Variants in KDM7A observed in about 807,000 individuals in gnomAD.
The protein encoded by KDM7A is lysine-specific demethylase 7A.
A neutral mutation model predicts 114.8 loss-of-function variants in KDM7A; 28 were observed. The ratio of observed to expected loss-of-function variants is 0.24; its 90% CI spans 0.18 to 0.33. KDM7A has a LOEUF of 0.33. KDM7A is among the 10% of genes least tolerant of loss of function. The pLI is 1.00. For missense variants in KDM7A, 942 were observed against 1,142.5 expected, an observed-to-expected ratio of 0.82 and a Z score of 2.53; for synonymous variants, 423 against 397.8, an observed-to-expected ratio of 1.06 and a Z score of -0.75.
At chr7:140,171,534 TA>T (rs1333573503) in intron 1 of KDM7A, among the ~76,000 whole-genome samples, 26 of 143,720 alleles carry the variant, frequency 1.8e-4, no homozygotes, top group African/African-American at 6.1e-4. Flanking sequence ...TATATTTATT[TA>T]TATATTTATA....
intron 14 of KDM7A, among the ~76,000 whole-genome samples, chr7:140,097,967 T>C (rs1818142606): frequency 6.6e-6 from 1 of 152,272 alleles, no homozygotes; most frequent in Non-Finnish European, 1.5e-5. Flanking sequence ...CAGATGCTTT[T>C]CACACTTCTC....
At chr7:140,136,552 G>A (rs987846065) in intron 2 of KDM7A, among the ~76,000 whole-genome samples, 1 of 152,206 alleles carries the variant, frequency 6.6e-6, no homozygotes, top group Admixed American at 6.5e-5. Flanking sequence ...TAAGTTATTT[G>A]TGGGCTGTTT....
In KDM7A at chr7:140,111,207, A is replaced by G. The variant is rs200096127; in HGVS notation, c.1339-23T>C. Reference sequence around the variant, plus strand: ...AAGCTGTATTTGGATTAACAAAAATAAGAAAACCAAAGTTATTTACACTTT... The same window carrying G: ...AAGCTGTATTTGGATTAACAAAAATGAGAAAACCAAAGTTATTTACACTTT... On this transcript the variant is annotated intron_variant, in intron 10 of 19. Transcript: ENST00000397560. The G allele has an allele frequency of 5.0e-5, 72 of 1,449,784 alleles. No homozygotes were observed. In the African/African-American group the frequency reaches 8.4e-4, roughly 17 times the overall value. 89.8% of individuals were successfully genotyped at this position (1,449,784 alleles called of 1,614,324 possible).
In KDM7A at chr7:140,176,911, GGCCACC is replaced by G; in HGVS notation, c.21_26del (p.Val8_Ala9del). The G allele has an allele frequency of 8.5e-7, 1 of 1,169,978 alleles. No individual in the cohort carries two copies. Among genetic ancestry groups the G allele is most frequent in the Non-Finnish European group, 1.1e-6 (1 of 941,944 alleles). The allele number at this position is 1,169,978 out of a possible 1,614,324, so 72.5% of individuals were successfully genotyped here. On this transcript the variant is annotated inframe_deletion, in exon 1 of 20. Transcript: ENST00000397560. The surrounding 1 kb of genome is among the most constrained non-coding windows in gnomAD (Gnocchi z 4.4). ...CGGCGGCTCCAGCTGCTGCTCCCGCGGCCACCGCCGCCGCCGCTCCGGCCATCTTTA... is the reference window on the plus strand; with the variant it reads ...CGGCGGCTCCAGCTGCTGCTCCCGCGGCCGCCGCCGCTCCGGCCATCTTTA...
At chr7:140,134,227 A>C (rs1387308015) in intron 2 of KDM7A, among the ~76,000 whole-genome samples, 6 of 152,236 alleles carry the variant, frequency 3.9e-5, no homozygotes, top group African/African-American at 1.4e-4. Flanking sequence ...TCCAATGCTA[A>C]GACCCTGTAA....
intron 2 of KDM7A, among the ~76,000 whole-genome samples, chr7:140,138,490 C>T (rs62491420): frequency 0.062 from 9,386 of 152,086 alleles, 367 homozygotes; most frequent in Non-Finnish European, 0.09. Flanking sequence ...CCTGAGGCTT[C>T]CCTGGCTTTG....
At chr7:140,100,728 ATATATATATATATACATATATAT>A (rs1818206399) in intron 12 of KDM7A, among the ~76,000 whole-genome samples, 1 of 42,656 alleles carries the variant, frequency 2.3e-5, no homozygotes, top group African/African-American at 8.5e-5. Flanking sequence ...ATATATATAT[ATATATATATATATACATATATAT>A]TTTTTTGTTT....
rs548905463 is a variant in KDM7A at position 140,131,393 on chromosome 7, C to G, written c.399-1740G>C. Among the ~76,000 whole-genome samples, 20 of 152,266 alleles carry G rather than the reference C, an allele frequency of 1.3e-4. No individual in the cohort carries two copies. The East Asian group carries it at 3.7e-3, about 28-fold the overall frequency. ...GTGACACTTGCCTTAAAGGTTAAAA[C>G]ACAATAGTCTCCACTTATACAATCA... On this transcript the variant is annotated intron_variant, in intron 3 of 19. Coordinates refer to ENST00000397560, the MANE Select transcript of KDM7A (RefSeq NM_030647.2).
chr7:140,104,765 TG>T (rs1401450971), intron 11 of KDM7A, among the ~76,000 whole-genome samples: 2 of 152,218 alleles, frequency 1.3e-5, no homozygotes, highest in African/African-American at 4.8e-5. Flanking sequence ...AGGATTGTCT[TG>T]GCAATGTAGG....
chr7:140,122,738 T>C (rs2116794658), intron 7 of KDM7A, among the ~76,000 whole-genome samples: 1 of 152,342 alleles, frequency 6.6e-6, no homozygotes, highest in South Asian at 2.1e-4. Context: ...CAGCTAAGGC[T>C]GATACTCAGT....
At chr7:140,128,744 T>C (rs903749003) in intron 4 of KDM7A, among the ~76,000 whole-genome samples, 1 of 152,220 alleles carries the variant, frequency 6.6e-6, no homozygotes, top group Non-Finnish European at 1.5e-5. Flanking sequence ...GGAGATAATA[T>C]AGTAAATATA....
intron 9 of KDM7A, among the ~76,000 whole-genome samples, chr7:140,114,418 C>T (rs1245048634): frequency 6.6e-6 from 1 of 152,174 alleles, no homozygotes; most frequent in Admixed American, 6.5e-5. Context: ...GATCTGCCAG[C>T]CTTGGCCTCC....
At chr7:140,160,533 T>C (rs1794507172) in intron 1 of KDM7A, among the ~76,000 whole-genome samples, 1 of 152,174 alleles carries the variant, frequency 6.6e-6, no homozygotes, top group African/African-American at 2.4e-5. Context: ...AATGGTTCCA[T>C]TTAGGATTTT....
At chr7:140,097,212 T>A (rs75957588) in intron 15 of KDM7A, among the ~76,000 whole-genome samples, 165 bp from the exon 16 acceptor site, 2,330 of 152,318 alleles carry the variant, frequency 0.015, 25 homozygotes, top group Middle Eastern at 0.034. Context: ...ATTAACTACA[T>A]GAACATACTA....
Position 140,113,547 on chromosome 7 carries a change from G to C in KDM7A, c.1282C>G (p.Leu428Val). ...REDGFQPQTY[L>V]VQGVKALHTA... ...TGCAGTGCTTTCACTCCCTGTACTA[G>C]GTAAGTTTGAGGCTGGAAACCATCT... The change falls in exon 10 of 20, where the codon CTA (leucine) becomes GTA (valine). Residue 428 changes from leucine to valine, a missense_variant. By Grantham distance (32) the Leu-to-Val change is conservative. This residue lies in a region of KDM7A where 318 missense variants were observed against 453.1 expected (regional missense o/e 0.70). Coordinates refer to ENST00000397560, the MANE Select transcript of KDM7A (RefSeq NM_030647.2). 6.2e-7 allele frequency: 1 copy of C among 1,606,002 alleles called. No individual in the cohort carries two copies. The highest frequency in any genetic ancestry group is 8.5e-7 in the Non-Finnish European group (1 of 1,174,402).
At chr7:140,158,376 G>A (rs1480065414) in intron 1 of KDM7A, among the ~76,000 whole-genome samples, 3 of 152,074 alleles carry the variant, frequency 2.0e-5, no homozygotes, top group Non-Finnish European at 4.4e-5. Flanking sequence ...GAAGGTAAGC[G>A]AACAGGATTT....
intron 1 of KDM7A, among the ~76,000 whole-genome samples, chr7:140,147,774 G>C (rs949461942): frequency 6.6e-6 from 1 of 152,126 alleles, no homozygotes; most frequent in Admixed American, 6.5e-5. Context: ...GGAGAGGCAA[G>C]GTATCCTCAG....
intron 11 of KDM7A, among the ~76,000 whole-genome samples, chr7:140,109,236 G>A (rs553492616): frequency 9.8e-5 from 15 of 152,320 alleles, no homozygotes; most frequent in African/African-American, 1.4e-4. Flanking sequence ...GCGATGCACC[G>A]CCCTGCTTTG....
At chr7:140,100,718 A>ATG (rs1818203872) in intron 12 of KDM7A, among the ~76,000 whole-genome samples, 2 of 37,698 alleles carry the variant, frequency 5.3e-5, no homozygotes, top group African/African-American at 1.7e-4. Context: ...ACACATATAT[A>ATG]TATATATATA....
Sources: allele counts gnomAD v4.1 joint callset (sites outside exome capture counted in the v4.1 genomes callset), GRCh38; gene constraint gnomAD v4.1.1; regional missense constraint gnomAD v4.1.1; non-coding constraint Gnocchi (gnomAD v3.1); transcripts MANE v1.5; gene names NCBI Gene and HGNC (gene_info 2026-07-23, HGNC 2026-07-21).